The following FAM131B variants were observed in gnomAD, a reference collection of about 807,000 sequenced individuals.
The protein encoded by FAM131B is family with sequence similarity 131 member B.
A neutral mutation model predicts 42.0 loss-of-function variants in FAM131B; 19 were observed. The ratio of observed to expected loss-of-function variants is 0.45; its 90% CI spans 0.32 to 0.66. FAM131B has a LOEUF of 0.66. Ranked by LOEUF, FAM131B falls within the 30% of genes least tolerant of loss-of-function variation. The pLI is 0.05. For synonymous variants in FAM131B, 183 were observed against 177.6 expected, an observed-to-expected ratio of 1.03 and a Z score of -0.24; for missense variants, 370 against 468.4, an observed-to-expected ratio of 0.79 and a Z score of 1.94.
chr7:143,379,128 C>T, the FAM131B span, among the ~76,000 whole-genome samples: 7 of 152,330 alleles, frequency 4.6e-5, no homozygotes, highest in African/African-American at 1.2e-4. Flanking sequence ...CTATTTTGCA[C>T]GCGCACATTA....
the FAM131B span, among the ~76,000 whole-genome samples, chr7:143,369,375 A>G: frequency 0.97 from 148,260 of 152,308 alleles, 72,272 homozygotes; most frequent in East Asian, 1. Flanking sequence ...CAGATAAAAC[A>G]GGTTAAAAAA....
At chr7:143,368,049 G>A in the FAM131B span, among the ~76,000 whole-genome samples, 5 of 152,224 alleles carry the variant, frequency 3.3e-5, no homozygotes, top group African/African-American at 1.2e-4. Context: ...GATCGCGCCT[G>A]CATATCTGCC....
upstream of FAM131B, among the ~76,000 whole-genome samples, chr7:143,364,630 C>T (rs1350035774): frequency 6.6e-6 from 1 of 152,156 alleles, no homozygotes; most frequent in African/African-American, 2.4e-5. Context: ...ATCTTGCATT[C>T]TGTCTTGAAG....
At chr7:143,373,414 T>C in the FAM131B span, among the ~76,000 whole-genome samples, 1 of 152,104 alleles carries the variant, frequency 6.6e-6, no homozygotes, top group Non-Finnish European at 1.5e-5. Context: ...CAGATGACTA[T>C]ATAGGATGTG....
upstream of FAM131B, among the ~76,000 whole-genome samples, chr7:143,365,796 G>A (rs1248648862): frequency 6.6e-6 from 1 of 152,108 alleles, no homozygotes; most frequent in Non-Finnish European, 1.5e-5. Context: ...TTTAGTAGAG[G>A]TGGGATTTCA....
upstream of FAM131B, among the ~76,000 whole-genome samples, chr7:143,366,683 G>T (rs189495001): frequency 6.6e-6 from 1 of 151,110 alleles, no homozygotes; most frequent in Non-Finnish European, 1.5e-5. Flanking sequence ...TTAGTCTCTA[G>T]AGTAGCTGGG....
Position 143,354,681 on chromosome 7 carries a change from G to C in FAM131B, c.*1869C>G, listed in dbSNP as rs574693363. 6.6e-6 allele frequency: 1 copy of C among 152,322 alleles called. No individual in the cohort carries two copies. The highest frequency in any genetic ancestry group is 6.5e-5 in the Admixed American group (1 of 15,296). The allele number at this position is 152,322 out of a possible 1,614,324, so 9.4% of individuals were successfully genotyped here. On this transcript the variant is annotated 3_prime_UTR_variant, in exon 7 of 7. Transcript: ENST00000443739. Reference sequence around the variant, plus strand: ...ACAAGAGGACTCTTCCCCTGTACAGGCAGCATTCGGTTAGGTGACTGCACC... The same window carrying C: ...ACAAGAGGACTCTTCCCCTGTACAGCCAGCATTCGGTTAGGTGACTGCACC...
chr7:143,378,899 T>C, the FAM131B span, among the ~76,000 whole-genome samples: 1 of 152,256 alleles, frequency 6.6e-6, no homozygotes, highest in Non-Finnish European at 1.5e-5. Context: ...TTAAGAGCAC[T>C]GACTCTGCTG....
the FAM131B span, chr7:143,380,255 A>G: frequency 9.2e-6 from 9 of 982,748 alleles, no homozygotes; most frequent in East Asian, 1.1e-4. The surrounding 1 kb of genome is among the most constrained non-coding windows in gnomAD (Gnocchi z 5.0). Context: ...AAAAAGAACT[A>G]GAAGAATTAC....
chr7:143,373,054 G>T, the FAM131B span, among the ~76,000 whole-genome samples: 4 of 151,770 alleles, frequency 2.6e-5, no homozygotes, highest in African/African-American at 7.3e-5. Flanking sequence ...GGGTATATAG[G>T]CTTACTCATT....
chr7:143,356,448 G>A lies in FAM131B; in HGVS notation c.*102C>T. 1 of 844,828 alleles carries A rather than the reference G, an allele frequency of 1.2e-6. No individual in the cohort carries two copies. The allele number at this position is 844,828 out of a possible 1,614,324, so 52.3% of individuals were successfully genotyped here. A position where few individuals can be genotyped will look rare whatever the true frequency, so the allele number is the denominator to read the frequency against. Reference sequence around the variant, plus strand: ...ACTGGAAGCTCCTGGGTTCCCCAATGTTGTCTGCCCAGTTTCAGCTGTACT... The same window carrying A: ...ACTGGAAGCTCCTGGGTTCCCCAATATTGTCTGCCCAGTTTCAGCTGTACT... On this transcript the variant is annotated 3_prime_UTR_variant, in exon 7 of 7. Coordinates refer to ENST00000443739, the MANE Select transcript of FAM131B (RefSeq NM_001031690.3). The surrounding 1 kb of genome is among the most constrained non-coding windows in gnomAD (Gnocchi z 4.4).
the FAM131B span, among the ~76,000 whole-genome samples, chr7:143,368,150 AG>A: frequency 6.6e-6 from 1 of 152,232 alleles, no homozygotes; most frequent in Non-Finnish European, 1.5e-5. Context: ...CACCATGACC[AG>A]GCCACAAGCA....
upstream of FAM131B, among the ~76,000 whole-genome samples, chr7:143,363,265 CTT>C (rs1179210452): frequency 1.3e-5 from 2 of 152,132 alleles, no homozygotes; most frequent in African/African-American, 4.8e-5. Flanking sequence ...AAGGTGAAGT[CTT>C]TGCAAGTGAA....
chr7:143,360,056 T>C lies in FAM131B; in HGVS notation c.122A>G (p.His41Arg). The C allele has an allele frequency of 2.5e-6, 4 of 1,613,032 alleles. No individual in the cohort carries two copies. The South Asian group carries it at 4.4e-5, about 18-fold the overall frequency. ...AGGTCTCACCTCAGTCGATGGCCGA[T>C]GGAGGCTGCTCCCGTGCAGTGAGCT... ...STSSLHGSSL[H>R]RPSTEQTRTD... Residue 41 changes from histidine to arginine, a missense_variant, in exon 2 of 7, where the codon CAT (histidine) becomes CGT (arginine). Physicochemically the swap from His to Arg is conservative, Grantham distance 29 (BLOSUM62 0). Coordinates refer to ENST00000443739, the MANE Select transcript of FAM131B (RefSeq NM_001031690.3).
chr7:143,368,471 C>T, the FAM131B span, among the ~76,000 whole-genome samples: 2 of 152,228 alleles, frequency 1.3e-5, no homozygotes, highest in Non-Finnish European at 2.9e-5. Context: ...CCGATGCCTG[C>T]CTGTCTAGTA....
At chr7:143,369,644 C>T in the FAM131B span, among the ~76,000 whole-genome samples, 2 of 140,738 alleles carry the variant, frequency 1.4e-5, no homozygotes, top group African/African-American at 5.3e-5. Context: ...CACTGCACTA[C>T]AGCCTGGGCG....
intron 5 of FAM131B, 79 bp from the exon 6 acceptor site, chr7:143,357,502 T>A (rs1331420159): frequency 1.6e-6 from 2 of 1,250,134 alleles, no homozygotes; most frequent in East Asian, 2.4e-5. Flanking sequence ...AACATCTTAG[T>A]GCAGCACTGT....
chr7:143,360,972 G>GGAGA (rs1466454415), intron 1 of FAM131B: 1 of 152,150 alleles, frequency 6.6e-6, no homozygotes, highest in African/African-American at 2.4e-5. Context: ...ATGGTGCCGC[G>GGAGA]GAGAGTCTTG....
At chr7:143,373,739 C>T in the FAM131B span, among the ~76,000 whole-genome samples, 1 of 152,110 alleles carries the variant, frequency 6.6e-6, no homozygotes, top group Non-Finnish European at 1.5e-5. Context: ...GTAGCAGGAG[C>T]TAGGAATTTA....
Sources: allele counts gnomAD v4.1 joint callset (sites outside exome capture counted in the v4.1 genomes callset), GRCh38; gene constraint gnomAD v4.1.1; non-coding constraint Gnocchi (gnomAD v3.1); transcripts MANE v1.5; gene names NCBI Gene and HGNC (gene_info 2026-07-23, HGNC 2026-07-21).